Variants in CAMTA1 observed in about 807,000 individuals in gnomAD.
CAMTA1 encodes the protein calmodulin binding transcription activator 1.
Under a neutral mutation model 170.9 loss-of-function variants are expected in CAMTA1, and 27 were observed. The ratio of observed to expected loss-of-function variants is 0.16; its 90% CI spans 0.12 to 0.22. CAMTA1 has a LOEUF of 0.22. CAMTA1 is among the 10% of genes least tolerant of loss of function. CAMTA1 has a pLI of 1.00. For synonymous variants in CAMTA1, 833 were observed against 891.5 expected, an observed-to-expected ratio of 0.93 and a Z score of 1.17; for missense variants, 1,619 against 2,217.2, an observed-to-expected ratio of 0.73 and a Z score of 5.42.
At chr1:7,453,065 T>C (rs1294280614) in intron 5 of CAMTA1, among the ~76,000 whole-genome samples, 1 of 152,198 alleles carries the variant, frequency 6.6e-6, no homozygotes. Context: ...TCTCAGCCCA[T>C]GTGAGGCAGC....
chr1:7,155,357 T>G (rs1573511452), intron 4 of CAMTA1, among the ~76,000 whole-genome samples: 1 of 121,280 alleles, frequency 8.2e-6, no homozygotes, highest in Non-Finnish European at 1.7e-5. Flanking sequence ...GGGAGGGAGG[T>G]CGAGATCCCA....
At chr1:7,322,237 T>C (rs528289048) in intron 5 of CAMTA1, among the ~76,000 whole-genome samples, 89 of 152,348 alleles carry the variant, frequency 5.8e-4, no homozygotes, top group Admixed American at 3.8e-3. Flanking sequence ...CTAGGCTTGG[T>C]CTTGGGCTTT....
chr1:7,581,041 C>A (rs1174201127), intron 6 of CAMTA1, among the ~76,000 whole-genome samples: 15 of 152,226 alleles, frequency 9.9e-5, no homozygotes, highest in Admixed American at 9.8e-4. Flanking sequence ...TAACTCGGTG[C>A]CAGGGGCACT....
intron 3 of CAMTA1, among the ~76,000 whole-genome samples, chr1:6,858,118 T>A (rs1300397217): frequency 6.6e-6 from 1 of 152,226 alleles, no homozygotes; most frequent in African/African-American, 2.4e-5. Context: ...GATAGGCCAG[T>A]CATAAATGAA....
chr1:7,466,766 A>G (rs998266153), intron 5 of CAMTA1, among the ~76,000 whole-genome samples: 1 of 152,108 alleles, frequency 6.6e-6, no homozygotes, highest in African/African-American at 2.4e-5. Context: ...TGGAAGGGAG[A>G]TCATTCCAGT....
chr1:7,499,659 G>A (rs1355237522), intron 6 of CAMTA1, among the ~76,000 whole-genome samples: 1 of 147,896 alleles, frequency 6.8e-6, no homozygotes, highest in African/African-American at 2.5e-5. Flanking sequence ...GTGTATGTGA[G>A]TGTGTGCATG....
At chr1:7,405,104 C>A (rs1406903474) in intron 5 of CAMTA1, among the ~76,000 whole-genome samples, 1 of 151,972 alleles carries the variant, frequency 6.6e-6, no homozygotes, top group Non-Finnish European at 1.5e-5. Flanking sequence ...TCTCTGTGGG[C>A]TAAGAGGTCC....
intron 3 of CAMTA1, among the ~76,000 whole-genome samples, chr1:6,844,543 C>G (rs901742123): frequency 6.7e-6 from 1 of 148,892 alleles, no homozygotes; most frequent in African/African-American, 2.5e-5. Context: ...AAAATTAGCC[C>G]AGCATAGAGG....
intron 4 of CAMTA1, among the ~76,000 whole-genome samples, chr1:7,221,143 G>A (rs1218405246): frequency 1.3e-5 from 2 of 152,154 alleles, no homozygotes; most frequent in Non-Finnish European, 2.9e-5. Context: ...AGGAAGGGCC[G>A]GGTTCTATGA....
intron 11 of CAMTA1, among the ~76,000 whole-genome samples, chr1:7,716,739 A>G (rs1487845695): frequency 6.6e-6 from 1 of 152,200 alleles, no homozygotes; most frequent in East Asian, 1.9e-4. Context: ...GCTTGGCACA[A>G]CTAATGAGGA....
At position 7,146,588 on chromosome 1, in the gene CAMTA1, T is replaced by C. The variant is rs1232336684; in HGVS notation, c.302+55217T>C. ...CCGGCCACGTCCTGCCGGCTCCTCC[T>C]CCTTGAACACCAACCATCAGGTTGC... On this transcript the variant is annotated intron_variant, in intron 4 of 22. Coordinates refer to ENST00000303635, the MANE Select transcript of CAMTA1 (RefSeq NM_015215.4). This position sits in a 1 kb window ranked among gnomAD's most constrained non-coding sequence, Gnocchi z 4.3. Among the ~76,000 whole-genome samples the C allele has an allele frequency of 2.0e-5, 3 of 151,802 alleles. No individual in the cohort carries two copies. Among genetic ancestry groups the C allele is most frequent in the African/African-American group, 7.3e-5 (3 of 41,318 alleles).
chr1:7,474,453 A>C (rs1161932286), intron 6 of CAMTA1, among the ~76,000 whole-genome samples: 1 of 152,234 alleles, frequency 6.6e-6, no homozygotes, highest in Non-Finnish European at 1.5e-5. Flanking sequence ...CCGTGCATAA[A>C]ATGTCACCCA....
At chr1:6,829,051 C>G (rs543894653) in intron 3 of CAMTA1, among the ~76,000 whole-genome samples, 3 of 152,054 alleles carry the variant, frequency 2.0e-5, no homozygotes, top group African/African-American at 7.2e-5. Flanking sequence ...CATGTGCCAC[C>G]ACACCTGGAT....
At chr1:7,206,178 G>T (rs972620762) in intron 4 of CAMTA1, among the ~76,000 whole-genome samples, 1 of 152,046 alleles carries the variant, frequency 6.6e-6, no homozygotes, top group Non-Finnish European at 1.5e-5. Context: ...TATTCTTGAA[G>T]GTTAATTTTC....
chr1:6,789,420 AGCC>A (rs1640378881), intron 1 of CAMTA1, among the ~76,000 whole-genome samples: 1 of 152,184 alleles, frequency 6.6e-6, no homozygotes, highest in Admixed American at 6.5e-5. Flanking sequence ...ATTTTGAGGT[AGCC>A]CATCTCAAAA....
Position 7,200,643 on chromosome 1 carries a change from A to G in CAMTA1, c.303-48848A>G, listed in dbSNP as rs141581980. Among the ~76,000 whole-genome samples the G allele has an allele frequency of 1.8e-3, 269 of 152,324 alleles. 1 individual carries two copies. Among genetic ancestry groups the G allele is most frequent in the African/African-American group, 6.1e-3 (254 of 41,574 alleles). On this transcript the variant is annotated intron_variant, in intron 4 of 22. Coordinates refer to ENST00000303635, the MANE Select transcript of CAMTA1 (RefSeq NM_015215.4). Reference sequence around the variant, plus strand: ...GTTTGTCTGAGGTTCCGCATAGATTAGATTACACAGTGTTGTCCAAAATAC... The same window carrying G: ...GTTTGTCTGAGGTTCCGCATAGATTGGATTACACAGTGTTGTCCAAAATAC...
intron 4 of CAMTA1, among the ~76,000 whole-genome samples, chr1:7,238,823 C>T (rs996032311): frequency 1.2e-4 from 19 of 152,322 alleles, no homozygotes; most frequent in African/African-American, 4.6e-4. Flanking sequence ...GTGCAAGTTG[C>T]AGTGAGCCAA....
intron 3 of CAMTA1, among the ~76,000 whole-genome samples, chr1:6,879,468 G>A (rs6655933): frequency 0.19 from 28,752 of 152,126 alleles, 2,788 homozygotes; most frequent in East Asian, 0.28. Flanking sequence ...GATTTGTGCT[G>A]CTAGGTATTA....
intron 4 of CAMTA1, among the ~76,000 whole-genome samples, chr1:7,119,912 A>G (rs973100224): frequency 1.3e-5 from 2 of 152,192 alleles, no homozygotes; most frequent in East Asian, 1.9e-4. Flanking sequence ...GTTTGTCACC[A>G]TGGATACCTG....
Sources: gnomAD v4.1 joint callset for allele counts (sites outside exome capture counted in the v4.1 genomes callset) on GRCh38, gnomAD v4.1.1 for gene constraint, Gnocchi (gnomAD v3.1) non-coding constraint, MANE v1.5 for transcripts, NCBI Gene and HGNC (gene_info 2026-07-23, HGNC 2026-07-21) for gene names.